PRAMEF17: variants seen among roughly 807,000 people sequenced by gnomAD.
PRAMEF17 encodes PRAME family member 17.
Under a neutral mutation model 36.8 loss-of-function variants are expected in PRAMEF17, and 48 were observed. That is an observed-to-expected ratio of 1.30 (90% CI 1.03 to 1.66). The LOEUF (loss-of-function observed/expected upper bound fraction) is 1.66, where lower values mean the gene tolerates loss of function less well. PRAMEF17 is among the 40% of genes most tolerant of loss of function. PRAMEF17 has a pLI of 0.00. For synonymous variants in PRAMEF17, 246 were observed against 220.4 expected, an observed-to-expected ratio of 1.12 and a Z score of -1.03; for missense variants, 639 against 560.6, an observed-to-expected ratio of 1.14 and a Z score of -1.41.
chr1:13,392,239 G>A lies in PRAMEF17; in HGVS notation c.1162G>A (p.Glu388Lys), dbSNP rs1569850951. Reference sequence around the variant, plus strand: ...CACCACCTTCTACTTTCGCGGAAATGAGACCTCCACGAATGCTCTGAAAGA... The same window carrying A: ...CACCACCTTCTACTTTCGCGGAAATAAGACCTCCACGAATGCTCTGAAAGA... ...QLTTFYFRGN[E>K]TSTNALKDLL... The change falls in exon 3 of 3, where the codon GAG becomes AAG. Residue 388 changes from glutamate to lysine, a missense_variant. Glu to Lys is a moderately conservative substitution (Grantham distance 56). Coordinates refer to ENST00000376098, the MANE Select transcript of PRAMEF17 (RefSeq NM_001099851.3). The A allele has an allele frequency of 1.2e-6, 2 of 1,611,974 alleles. No individual in the cohort carries two copies. Among genetic ancestry groups the A allele is most frequent in the African/African-American group, 2.7e-5 (2 of 74,956 alleles).
At chr1:13,391,854 T>C in intron 2 of PRAMEF17, 90 bp from the exon 3 acceptor site, 1 of 1,553,722 alleles carries the variant, frequency 6.4e-7, no homozygotes, top group Non-Finnish European at 8.8e-7. Flanking sequence ...AATTACTCAA[T>C]GCCCACTTCA....
chr1:13,392,130 C>A lies in PRAMEF17; in HGVS notation c.1053C>A (p.Leu351=). 6.2e-7 allele frequency: 1 copy of A among 1,611,500 alleles called. No individual in the cohort carries two copies. Among genetic ancestry groups the A allele is most frequent in the Non-Finnish European group, 8.5e-7 (1 of 1,179,560 alleles). The change falls in exon 3 of 3, where the codon CTC becomes CTA. Residue 351 remains leucine, a synonymous_variant. Transcript: ENST00000376098. ...TGCTAGAGAAAGTTGCTGCTACTCT[C>A]GAGATCCTCACGTTAAAGGACTGTC... is the stretch of plus-strand genomic sequence containing the variant. The part of the protein sequence containing the change: ...GALLEKVAAT[L]EILTLKDCQI...
At chr1:13,391,842 A>G in intron 2 of PRAMEF17, 102 bp from the exon 3 acceptor site, 2 of 1,517,040 alleles carry the variant, frequency 1.3e-6, no homozygotes, top group Non-Finnish European at 1.8e-6. Context: ...AGTAAGGTGC[A>G]GAATTACTCA....
chr1:13,392,591 G>T lies in PRAMEF17; in HGVS notation c.*89G>T, dbSNP rs1290215387. The T allele has an allele frequency of 2.5e-5, 35 of 1,422,678 alleles. No individual in the cohort carries two copies. The highest frequency in any genetic ancestry group is 1.3e-4 in the Admixed American group (6 of 47,092). 88.1% of individuals were successfully genotyped at this position (1,422,678 alleles called of 1,614,324 possible). Reference sequence around the variant, plus strand: ...CACAGGTGGGTTTTTTTGTTTTTTTGTTTTTTTTTTGATGGAGTCTCGCTC... The same window carrying T: ...CACAGGTGGGTTTTTTTGTTTTTTTTTTTTTTTTTTGATGGAGTCTCGCTC... On this transcript the variant is annotated 3_prime_UTR_variant, in exon 3 of 3. Transcript: ENST00000376098.
rs1395825584 is a variant in PRAMEF17, at chr1:13,390,757, G to C, written c.704G>C (p.Arg235Pro). Residue 235 changes from arginine (R) to proline (P), a missense_variant, in exon 2 of 3, where the codon CGC (arginine) becomes CCC (proline). Transcript: ENST00000376098. ...TACTTGAGCCAGATGAGCAATCTTC[G>C]CAAACTCTTTTTAGCCTTCGGTTAT... ...APYLSQMSNL[R>P]KLFLAFGYDD... is the part of the protein sequence containing the mutation. The C allele has an allele frequency of 5.6e-6, 9 of 1,611,856 alleles. No homozygotes were observed. The highest frequency in any genetic ancestry group is 2.7e-5 in the African/African-American group (2 of 74,838).
At chr1:13,390,953 A>C (rs1640872673) in intron 2 of PRAMEF17, 34 bp downstream of exon 2, 1 of 1,611,512 alleles carries the variant, frequency 6.2e-7, no homozygotes, top group Admixed American at 1.7e-5. Flanking sequence ...TCTGCAGACC[A>C]TACCACAGAC....
At chr1:13,390,078 C>T (rs1249239440) in intron 1 of PRAMEF17, 134 bp downstream of exon 1, 9 of 1,420,048 alleles carry the variant, frequency 6.3e-6, no homozygotes, top group Non-Finnish European at 8.7e-6. Context: ...GAGACCTTGA[C>T]CATTGCCCAG....
At position 13,390,461 on chromosome 1, in the gene PRAMEF17, G is replaced by A. The variant is rs773850368; in HGVS notation, c.408G>A (p.Glu136=). 3.3e-5 allele frequency: 53 copies of A among 1,612,030 alleles called. No homozygotes were observed. The African/African-American group carries it at 5.6e-4, about 17-fold the overall frequency. ...CCATGAGTAAGAGGCAGACAGTGGA[G>A]GACTATCCAAGGACGGGAGAGCACC... The part of the protein sequence containing the change: ...PEAMSKRQTV[E]DYPRTGEHQP... The change falls in exon 2 of 3, where the codon GAG becomes GAA. Residue 136 remains glutamate (E), a synonymous_variant. Transcript: ENST00000376098.
chr1:13,390,117 C>G (rs1640860003), intron 1 of PRAMEF17, among the ~76,000 whole-genome samples, 173 bp downstream of exon 1: 2 of 152,122 alleles, frequency 1.3e-5, no homozygotes, highest in African/African-American at 4.8e-5. Context: ...GCTCACCATA[C>G]AGGGTCCACT....
chr1:13,390,876 A>G lies in PRAMEF17; in HGVS notation c.823A>G (p.Arg275Gly), dbSNP rs1188829668. ...CLYYPQMLYI[R>G]KISNIKEHLE... ...GTACTACCCTCAGATGCTTTATATA[A>G]GAAAGATCAGTAATATCAAAGAGCA... The change falls in exon 2 of 3, where the codon AGA (arginine) becomes GGA (glycine). Residue 275 changes from arginine (R) to glycine (G), a missense_variant. Arg to Gly is a moderately radical substitution (Grantham distance 125, BLOSUM62 -2). Coordinates refer to ENST00000376098, the MANE Select transcript of PRAMEF17 (RefSeq NM_001099851.3). The G allele has an allele frequency of 2.5e-5, 40 of 1,612,022 alleles. No homozygotes were observed. In the South Asian group the frequency reaches 4.4e-4, roughly 18 times the overall value.
At position 13,392,241 on chromosome 1, in the gene PRAMEF17, G is replaced by A. The variant is rs747523133; in HGVS notation, c.1164G>A (p.Glu388=). 3 of 1,611,970 alleles carry A rather than the reference G, an allele frequency of 1.9e-6. No individual in the cohort carries two copies. The highest frequency in any genetic ancestry group is 2.7e-5 in the African/African-American group (2 of 74,962). Reference sequence around the variant, plus strand: ...CCACCTTCTACTTTCGCGGAAATGAGACCTCCACGAATGCTCTGAAAGACC... The same window carrying A: ...CCACCTTCTACTTTCGCGGAAATGAAACCTCCACGAATGCTCTGAAAGACC... ...QLTTFYFRGN[E]TSTNALKDLL... The change falls in exon 3 of 3, where the codon GAG becomes GAA. Residue 388 remains glutamate (E), a synonymous_variant. Transcript: ENST00000376098.
In PRAMEF17 at chr1:13,390,290, A is replaced by G. The variant is rs1175602729; in HGVS notation, c.288-51A>G. On this transcript the variant is annotated intron_variant, in intron 1 of 2. Coordinates refer to ENST00000376098, the MANE Select transcript of PRAMEF17 (RefSeq NM_001099851.3). ...TGGATGTTGAGTGAAAGCTCAGGTCAGGGGTGGGTCTTTGCCTACATTCTG... is the reference window on the plus strand; with the variant it reads ...TGGATGTTGAGTGAAAGCTCAGGTCGGGGGTGGGTCTTTGCCTACATTCTG... The G allele has an allele frequency of 2.5e-6, 4 of 1,611,380 alleles. No individual in the cohort carries two copies. In the African/African-American group the frequency reaches 5.3e-5, roughly 22 times the overall value.
At position 13,391,073 on chromosome 1, in the gene PRAMEF17, C is replaced by T. The variant is rs1347810056; in HGVS notation, c.866+154C>T. 6.2e-4 allele frequency among the ~76,000 whole-genome samples: 94 copies of T among 152,286 alleles called. 1 individual carries two copies. In the East Asian group the frequency reaches 0.013, roughly 21 times the overall value. On this transcript the variant is annotated intron_variant, in intron 2 of 2. Coordinates refer to ENST00000376098, the MANE Select transcript of PRAMEF17 (RefSeq NM_001099851.3). ...TGTCAACTCATTATGCTGTTCAGTG[C>T]TCTATATCCTGAAGTGGGTATCACA...
chr1:13,391,196 G>A (rs1235464539), intron 2 of PRAMEF17, among the ~76,000 whole-genome samples: 1 of 152,068 alleles, frequency 6.6e-6, no homozygotes, highest in Non-Finnish European at 1.5e-5. Context: ...TCTAGGGAGG[G>A]TGCATTTGTG....
At chr1:13,391,676 C>T (rs1275945395) in intron 2 of PRAMEF17, among the ~76,000 whole-genome samples, 1 of 152,154 alleles carries the variant, frequency 6.6e-6, no homozygotes, top group Non-Finnish European at 1.5e-5. Context: ...ACAAGCAAGG[C>T]TGAAAGGACT....
chr1:13,390,759 A>G lies in PRAMEF17; in HGVS notation c.706A>G (p.Lys236Glu). The G allele has an allele frequency of 6.2e-7, 1 of 1,612,046 alleles. No individual in the cohort carries two copies. Among genetic ancestry groups the G allele is most frequent in the Non-Finnish European group, 8.5e-7 (1 of 1,179,872 alleles). Residue 236 changes from lysine to glutamate, a missense_variant, in exon 2 of 3, where the codon AAA becomes GAA. Physicochemically the swap from Lys to Glu is moderately conservative, Grantham distance 56 (BLOSUM62 1). Transcript: ENST00000376098. ...PYLSQMSNLR[K>E]LFLAFGYDDE... The stretch of plus-strand genomic sequence containing the variant: ...CTTGAGCCAGATGAGCAATCTTCGC[A>G]AACTCTTTTTAGCCTTCGGTTATGA...
At chr1:13,391,381 G>T (rs1429754458) in intron 2 of PRAMEF17, among the ~76,000 whole-genome samples, 1 of 152,166 alleles carries the variant, frequency 6.6e-6, no homozygotes, top group Non-Finnish European at 1.5e-5. Flanking sequence ...TCTGTAAAAG[G>T]TTCTTTTGAA....
In PRAMEF17 at chr1:13,391,926, A is replaced by G. The variant is rs1463412139; in HGVS notation, c.867-18A>G. The G allele has an allele frequency of 1.2e-6, 2 of 1,608,130 alleles. No individual in the cohort carries two copies. Among genetic ancestry groups the G allele is most frequent in the African/African-American group, 2.7e-5 (2 of 74,656 alleles). On this transcript the variant is annotated intron_variant, in intron 2 of 2. Coordinates refer to ENST00000376098, the MANE Select transcript of PRAMEF17 (RefSeq NM_001099851.3). ...CAACTGGCACCATTGCCCATAACTA[A>G]TTTCTTGCTCTCCCCAGGTGCCTCA... is the stretch of plus-strand genomic sequence containing the variant.
Position 13,392,226 on chromosome 1 carries a change from C to G in PRAMEF17, c.1149C>G (p.Tyr383Ter), listed in dbSNP as rs1309064580. 1.5e-4 allele frequency: 244 copies of G among 1,611,910 alleles called. No homozygotes were observed. The highest frequency in any genetic ancestry group is 1.9e-4 in the Non-Finnish European group (226 of 1,179,878). ...LSRCSQLTTF[Y>*]FRGNETSTNA... ...GCTGCTCCCAGCTCACCACCTTCTA[C>G]TTTCGCGGAAATGAGACCTCCACGA... The change falls in exon 3 of 3, where the codon TAC becomes TAG. Residue 383 changes from tyrosine to a stop codon, truncating the protein, a stop_gained. Transcript: ENST00000376098. LOFTEE classifies it high-confidence loss of function.
Sources: allele counts gnomAD v4.1 joint callset (sites outside exome capture counted in the v4.1 genomes callset), GRCh38; gene constraint gnomAD v4.1.1; transcripts MANE v1.5; gene names NCBI Gene and HGNC (gene_info 2026-07-23, HGNC 2026-07-21).